Variants in MATN3 observed in about 807,000 individuals in gnomAD.
MATN3 encodes matrilin 3.
In MATN3, 48 loss-of-function variants were observed where a neutral mutation model predicts 45.3. That is an observed-to-expected ratio of 1.06 (90% CI 0.84 to 1.35). The LOEUF (loss-of-function observed/expected upper bound fraction) is 1.35, where lower values mean the gene tolerates loss of function less well. Among genes scored for constraint, MATN3 ranks in the 40% most tolerant of loss-of-function variants. The pLI, the probability that MATN3 is intolerant of heterozygous loss-of-function variation, is 0.00. For missense variants in MATN3, 599 were observed against 628.0 expected, an observed-to-expected ratio of 0.95 and a Z score of 0.49; for synonymous variants, 217 against 245.9, an observed-to-expected ratio of 0.88 and a Z score of 1.10.
intron 1 of MATN3, among the ~76,000 whole-genome samples, chr2:20,007,789 T>C (rs1673138425): frequency 6.6e-6 from 1 of 152,198 alleles, no homozygotes; most frequent in African/African-American, 2.4e-5. Context: ...AGAATTTATC[T>C]CTTTTCTACA....
At chr2:20,003,763 T>G (rs945185677) in intron 2 of MATN3, among the ~76,000 whole-genome samples, 1 of 152,216 alleles carries the variant, frequency 6.6e-6, no homozygotes, top group Admixed American at 6.5e-5. Context: ...AGTCTGGGTC[T>G]AAGCCTAGAA....
intron 6 of MATN3, among the ~76,000 whole-genome samples, chr2:19,996,172 C>T (rs1441251870): frequency 6.6e-6 from 1 of 151,986 alleles, no homozygotes; most frequent in Admixed American, 6.6e-5. Flanking sequence ...ATCTCAAACT[C>T]CATTTCTCAA....
At chr2:20,000,381 T>A in intron 5 of MATN3, 60 bp downstream of exon 5, 1 of 1,498,764 alleles carries the variant, frequency 6.7e-7, no homozygotes. Flanking sequence ...TGCTGGTGAG[T>A]TGCAAGTTGG....
chr2:20,010,285 A>C (rs1323499677), intron 1 of MATN3, among the ~76,000 whole-genome samples: 2 of 152,116 alleles, frequency 1.3e-5, no homozygotes, highest in Non-Finnish European at 2.9e-5. Context: ...TGTCCTTATA[A>C]ATATCATGGC....
At chr2:20,002,188 A>ACACC in intron 3 of MATN3, 108 bp from the exon 4 acceptor site, 1 of 904,014 alleles carries the variant, frequency 1.1e-6, no homozygotes, top group Non-Finnish European at 1.6e-6. Flanking sequence ...ACACACACAC[A>ACACC]CACAGAGCTA....
Position 20,003,168 on chromosome 2 carries a change from C to T in MATN3, c.909G>A (p.Thr303=), listed in dbSNP as rs28452699. The change falls in exon 3 of 8, where the codon ACG becomes ACA. Residue 303 remains threonine, a synonymous_variant. Coordinates refer to ENST00000407540, the MANE Select transcript of MATN3 (RefSeq NM_002381.5). ...CCCCTACACAGGCCTCACCTGAACA[C>T]GTTTTCTTGTCGGCATTCAAGGTGT... ...QGYTLNADKK[T]CSALDRCALN... 344,425 of 1,613,434 alleles carry T rather than the reference C, an allele frequency of 0.21. 38,078 individuals carry two copies. Among genetic ancestry groups the T allele is most frequent in the Admixed American group, 0.23 (13,781 of 60,002 alleles).
In MATN3 at chr2:20,003,225, T is replaced by A. The variant is rs769215051; in HGVS notation, c.852A>T (p.Glu284Asp). 1 of 1,613,978 alleles carries A rather than the reference T, an allele frequency of 6.2e-7. No homozygotes were observed. Among genetic ancestry groups the A allele is most frequent in the East Asian group, 2.2e-5 (1 of 44,878 alleles). Reference sequence around the variant, plus strand: ...GGCTACACTCACAGTGGTGCTTGCCTTCCCCATCACTGATGCAGACGTGCT... The same window carrying A: ...GGCTACACTCACAGTGGTGCTTGCCATCCCCATCACTGATGCAGACGTGCT... The part of the protein sequence containing the change: ...QCQHVCISDG[E>D]GKHHCECSQG... Residue 284 changes from glutamate to aspartate, a missense_variant, in exon 3 of 8, where the codon GAA becomes GAT. Coordinates refer to ENST00000407540, the MANE Select transcript of MATN3 (RefSeq NM_002381.5).
At chr2:20,005,514 T>G (rs762643820) in intron 2 of MATN3, among the ~76,000 whole-genome samples, 6 of 152,206 alleles carry the variant, frequency 3.9e-5, no homozygotes, top group Non-Finnish European at 5.9e-5. Flanking sequence ...GAAGATTTTA[T>G]GAGCAAACCA....
At chr2:20,005,298 C>T (rs1297763550) in intron 2 of MATN3, among the ~76,000 whole-genome samples, 1 of 152,178 alleles carries the variant, frequency 6.6e-6, no homozygotes, top group African/African-American at 2.4e-5. Flanking sequence ...ACGCTTCTCC[C>T]TGTCTTCTGC....
intron 4 of MATN3, among the ~76,000 whole-genome samples, chr2:20,001,365 C>T (rs569038724): frequency 6.6e-6 from 1 of 152,328 alleles, no homozygotes; most frequent in East Asian, 1.9e-4. Context: ...ACCTGGGACA[C>T]TTCCTAAGTC....
At chr2:20,011,518 G>T (rs1673219680) in intron 1 of MATN3, among the ~76,000 whole-genome samples, 2 of 152,258 alleles carry the variant, frequency 1.3e-5, no homozygotes, top group South Asian at 4.1e-4. Flanking sequence ...ATTGAAATCA[G>T]CCTGAGGCAT....
chr2:19,999,868 AGCACTG>A (rs1278505488), intron 5 of MATN3, among the ~76,000 whole-genome samples: 1 of 152,202 alleles, frequency 6.6e-6, no homozygotes, highest in Non-Finnish European at 1.5e-5. Context: ...GAGGATTAAC[AGCACTG>A]GCCTGGGCTC....
At position 19,992,606 on chromosome 2, in the gene MATN3, C is replaced by A. The variant is rs1192525960; in HGVS notation, c.*505G>T. On this transcript the variant is annotated 3_prime_UTR_variant, in exon 8 of 8. Transcript: ENST00000407540. ...GATCACATCTTCAATAATACTCCAA[C>A]AAAATAAGCAAAAAACAAAAAGTGT... 6.5e-6 allele frequency: 1 copy of A among 154,656 alleles called. No individual in the cohort carries two copies. The highest frequency in any genetic ancestry group is 1.4e-5 in the Non-Finnish European group (1 of 69,756). 9.6% of individuals were successfully genotyped at this position (154,656 alleles called of 1,614,324 possible). A position where few individuals can be genotyped will look rare whatever the true frequency, so the allele number is the denominator to read the frequency against.
chr2:20,010,530 T>C (rs531735415), intron 1 of MATN3, among the ~76,000 whole-genome samples: 13 of 152,290 alleles, frequency 8.5e-5, no homozygotes, highest in African/African-American at 2.9e-4. Context: ...GTCAATGTAA[T>C]TATAAAGTAG....
intron 5 of MATN3, among the ~76,000 whole-genome samples, chr2:19,998,061 C>T (rs1231105958): frequency 6.6e-6 from 1 of 152,152 alleles, no homozygotes; most frequent in Non-Finnish European, 1.5e-5. Context: ...AGTTTATTTC[C>T]CTCTAATTTT....
intron 2 of MATN3, 71 bp from the exon 3 acceptor site, chr2:20,003,357 A>G (rs1673028304): frequency 6.9e-7 from 1 of 1,455,232 alleles, no homozygotes; most frequent in Non-Finnish European, 9.3e-7. Flanking sequence ...TCCCATGTCA[A>G]TAGACATTGC....
intron 5 of MATN3, among the ~76,000 whole-genome samples, chr2:19,998,173 GT>G (rs1247634200): frequency 6.6e-6 from 1 of 152,136 alleles, no homozygotes; most frequent in Non-Finnish European, 1.5e-5. Flanking sequence ...TATACATAAA[GT>G]GCCTTTCCAA....
In MATN3 at chr2:19,993,058, G is replaced by T; in HGVS notation, c.*53C>A. 4 of 1,395,214 alleles carry T rather than the reference G, an allele frequency of 2.9e-6. No individual in the cohort carries two copies. The highest frequency in any genetic ancestry group is 1.2e-5 in the South Asian group (1 of 85,678). 86.4% of individuals were successfully genotyped at this position (1,395,214 alleles called of 1,614,324 possible). ...ATAACAGGTGTGCAAAAGAATGCATGAGTATTAAGTACACCAAGCTGTCCA... is the reference window on the plus strand; with the variant it reads ...ATAACAGGTGTGCAAAAGAATGCATTAGTATTAAGTACACCAAGCTGTCCA... On this transcript the variant is annotated 3_prime_UTR_variant, in exon 8 of 8. Coordinates refer to ENST00000407540, the MANE Select transcript of MATN3 (RefSeq NM_002381.5).
chr2:20,010,540 G>T (rs1572388123), intron 1 of MATN3, among the ~76,000 whole-genome samples: 1 of 152,322 alleles, frequency 6.6e-6, no homozygotes, highest in Admixed American at 6.5e-5. Flanking sequence ...TTATAAAGTA[G>T]AAGAGGGAGG....
Sources: allele counts gnomAD v4.1 joint callset (sites outside exome capture counted in the v4.1 genomes callset), GRCh38; gene constraint gnomAD v4.1.1; transcripts MANE v1.5; gene names NCBI Gene and HGNC (gene_info 2026-07-23, HGNC 2026-07-21).